Variants in BIN1 observed in about 807,000 individuals in gnomAD.
BIN1 encodes myc box-dependent-interacting protein 1.
Under a neutral mutation model 82.0 loss-of-function variants are expected in BIN1, and 53 were observed. The ratio of observed to expected loss-of-function variants is 0.65; its 90% CI spans 0.52 to 0.81. BIN1 has a LOEUF of 0.81. Ranked by LOEUF, BIN1 falls within the 40% of genes least tolerant of loss-of-function variation. The pLI is 0.00. For missense variants in BIN1, 642 were observed against 784.4 expected, an observed-to-expected ratio of 0.82 and a Z score of 2.17; for synonymous variants, 302 against 328.0, an observed-to-expected ratio of 0.92 and a Z score of 0.86.
chr2:127,099,445 A>G (rs1680016830), intron 1 of BIN1, among the ~76,000 whole-genome samples: 2 of 152,160 alleles, frequency 1.3e-5, no homozygotes. Context: ...TATGACCATC[A>G]TCTCATTAAA....
chr2:127,050,490 G>A lies in BIN1; in HGVS notation c.1605C>T (p.Asp535=). Residue 535 remains aspartate (D), a synonymous_variant, in exon 18 of 19, where the codon GAC becomes GAT. Transcript: ENST00000316724. ...CAGCCTTGAGCTGCAGCTCGTCTGTGTCAGTGGCCGTGTAGTCGTGCTGGG... is the reference window on the plus strand; with the variant it reads ...CAGCCTTGAGCTGCAGCTCGTCTGTATCAGTGGCCGTGTAGTCGTGCTGGG... ...VQAQHDYTAT[D]TDELQLKAGD... 6.2e-7 allele frequency: 1 copy of A among 1,614,252 alleles called. No individual in the cohort carries two copies. Among genetic ancestry groups the A allele is most frequent in the Non-Finnish European group, 8.5e-7 (1 of 1,180,048 alleles).
In BIN1 at chr2:127,050,930, G is replaced by A. The variant is rs1396096782; in HGVS notation, c.1462-18C>T. 2 of 1,610,700 alleles carry A rather than the reference G, an allele frequency of 1.2e-6. No homozygotes were observed. The highest frequency in any genetic ancestry group is 8.5e-7 in the Non-Finnish European group (1 of 1,177,084). On this transcript the variant is annotated intron_variant, in intron 16 of 18. Coordinates refer to ENST00000316724, the MANE Select transcript of BIN1 (RefSeq NM_139343.3). ...AGAGAGCTCTGGTGGCAGAGGTACG[G>A]GTCAGCTGAGCAGGGAGGTGGTCCA...
rs1687379027 is a variant in BIN1, at chr2:127,082,149, C to T, written c.85-5443G>A. On this transcript the variant is annotated intron_variant, in intron 1 of 18. Transcript: ENST00000316724. The surrounding 1 kb of genome is among the most constrained non-coding windows in gnomAD (Gnocchi z 6.1). ...GGACAAAGGCGAGCCTTCTCCCCAC[C>T]CCCGCCCCCCACCTCTGGGTCCAGG... Among the ~76,000 whole-genome samples, 1 of 152,126 alleles carries T rather than the reference C, an allele frequency of 6.6e-6. No individual in the cohort carries two copies. Among genetic ancestry groups the T allele is most frequent in the Non-Finnish European group, 1.5e-5 (1 of 68,000 alleles).
At chr2:127,092,537 T>C (rs1679066028) in intron 1 of BIN1, among the ~76,000 whole-genome samples, 1 of 152,154 alleles carries the variant, frequency 6.6e-6, no homozygotes, top group Non-Finnish European at 1.5e-5. Context: ...CCCAAACACC[T>C]GCCCGCAGTC....
chr2:127,089,668 C>A (rs934371399), intron 1 of BIN1, among the ~76,000 whole-genome samples: 2 of 152,090 alleles, frequency 1.3e-5, no homozygotes, highest in Non-Finnish European at 2.9e-5. Context: ...CCTCCCACTG[C>A]CCACTCTGGA....
chr2:127,078,276 C>G (rs1686873395), intron 1 of BIN1, among the ~76,000 whole-genome samples: 1 of 152,236 alleles, frequency 6.6e-6, no homozygotes, highest in Admixed American at 6.5e-5. Flanking sequence ...CCTTGGGCAC[C>G]TTGGCCGGTA....
intron 1 of BIN1, among the ~76,000 whole-genome samples, chr2:127,091,736 T>A (rs993358080): frequency 6.7e-4 from 83 of 124,548 alleles, no homozygotes; most frequent in South Asian, 3.0e-3. Flanking sequence ...AAAAAAAAAA[T>A]TTTTTTTTTA....
intron 1 of BIN1, among the ~76,000 whole-genome samples, chr2:127,094,544 C>CT: frequency 7.9e-6 from 1 of 126,648 alleles, no homozygotes; most frequent in Middle Eastern, 4.5e-3. Flanking sequence ...AACCTGGGAG[C>CT]TCCGGTCCCT....
intron 8 of BIN1, 63 bp from the exon 9 acceptor site, chr2:127,063,709 T>TACCC: frequency 6.4e-7 from 1 of 1,559,454 alleles, no homozygotes; most frequent in Non-Finnish European, 8.8e-7. Context: ...AACTCAGAAA[T>TACCC]ACCCACCCAC....
chr2:127,098,865 C>G (rs929949606), intron 1 of BIN1, among the ~76,000 whole-genome samples: 2 of 152,234 alleles, frequency 1.3e-5, no homozygotes, highest in Admixed American at 6.5e-5. Context: ...TCAGGCAGGA[C>G]TCCTCGGCTG....
At chr2:127,094,602 G>A (rs960070576) in intron 1 of BIN1, among the ~76,000 whole-genome samples, 1 of 152,200 alleles carries the variant, frequency 6.6e-6, no homozygotes, top group African/African-American at 2.4e-5. Flanking sequence ...CACTGGAGTG[G>A]CGCGGAGCCG....
intron 1 of BIN1, among the ~76,000 whole-genome samples, chr2:127,099,906 C>T (rs558877760): frequency 4.0e-5 from 6 of 151,828 alleles, no homozygotes; most frequent in African/African-American, 1.2e-4. Context: ...CAGGTTCAAG[C>T]GATTCTACTG....
chr2:127,069,451 C>T (rs1161403258), intron 5 of BIN1, among the ~76,000 whole-genome samples: 1 of 152,164 alleles, frequency 6.6e-6, no homozygotes, highest in East Asian at 1.9e-4. Flanking sequence ...TCAACCCAGG[C>T]TTCCATGTGC....
rs1683941542 is a variant in BIN1 at position 127,058,061 on chromosome 2, C to T, written c.1003-460G>A. 2.6e-5 allele frequency among the ~76,000 whole-genome samples: 4 copies of T among 152,258 alleles called. No homozygotes were observed. The South Asian group carries it at 8.3e-4, about 32-fold the overall frequency. On this transcript the variant is annotated intron_variant, in intron 11 of 18. Coordinates refer to ENST00000316724, the MANE Select transcript of BIN1 (RefSeq NM_139343.3). Reference sequence around the variant, plus strand: ...GCCCCTCTCTCCACCTCCCAGGGCACAGGGCTGCCCACAGGGAGCCCAGCT... The same window carrying T: ...GCCCCTCTCTCCACCTCCCAGGGCATAGGGCTGCCCACAGGGAGCCCAGCT...
chr2:127,084,050 T>G (rs1486319450), intron 1 of BIN1, among the ~76,000 whole-genome samples: 1 of 152,200 alleles, frequency 6.6e-6, no homozygotes, highest in Non-Finnish European at 1.5e-5. Context: ...GTTGTTGAAA[T>G]TTTTGCACAG....
At chr2:127,086,183 C>T (rs1436732816) in intron 1 of BIN1, among the ~76,000 whole-genome samples, 4 of 152,170 alleles carry the variant, frequency 2.6e-5, no homozygotes, top group Non-Finnish European at 5.9e-5. Flanking sequence ...TCAGGGCGGT[C>T]ACTCAGCTAA....
At chr2:127,051,873 G>C (rs1174662908) in intron 15 of BIN1, among the ~76,000 whole-genome samples, 1 of 152,234 alleles carries the variant, frequency 6.6e-6, no homozygotes, top group Non-Finnish European at 1.5e-5. Flanking sequence ...CTGGAACCAA[G>C]TTACTCAACC....
At chr2:127,049,535 G>T (rs1015997975) in intron 18 of BIN1, among the ~76,000 whole-genome samples, 2 of 152,164 alleles carry the variant, frequency 1.3e-5, no homozygotes, top group South Asian at 2.1e-4. Context: ...ACCCTCAGCC[G>T]CTCTGATAAC....
chr2:127,094,783 CA>C (rs1679377633), intron 1 of BIN1, among the ~76,000 whole-genome samples: 1 of 152,246 alleles, frequency 6.6e-6, no homozygotes, highest in African/African-American at 2.4e-5. Context: ...AGCCCACACC[CA>C]TTCCTCAGGG....
Sources: allele counts gnomAD v4.1 joint callset (sites outside exome capture counted in the v4.1 genomes callset), GRCh38; gene constraint gnomAD v4.1.1; non-coding constraint Gnocchi (gnomAD v3.1); transcripts MANE v1.5; gene names NCBI Gene and HGNC (gene_info 2026-07-23, HGNC 2026-07-21).